The following ADAM12 variants were observed in gnomAD, a reference collection of about 807,000 sequenced individuals.
ADAM12 encodes ADAM metallopeptidase domain 12.
Under a neutral mutation model 106.4 loss-of-function variants are expected in ADAM12, and 70 were observed. The observed-to-expected ratio is 0.66, with a 90% CI of 0.54 to 0.80. The LOEUF (loss-of-function observed/expected upper bound fraction) is 0.80, where lower values mean the gene tolerates loss of function less well. ADAM12 is among the 30% of genes least tolerant of loss of function. ADAM12 has a pLI of 0.00. For missense variants in ADAM12, 1,010 were observed against 1,171.9 expected (o/e 0.86, Z 2.02); for synonymous variants, 420 against 433.5 (o/e 0.97, Z 0.39).
chr10:126,376,623 T>C (rs545643239), intron 1 of ADAM12, among the ~76,000 whole-genome samples: 19 of 152,138 alleles, frequency 1.2e-4, no homozygotes, highest in Non-Finnish European at 2.6e-4. Flanking sequence ...TTGAATAGCA[T>C]TAAAGGGAAC....
At chr10:126,237,331 T>TTATTC (rs149796367) in intron 3 of ADAM12, among the ~76,000 whole-genome samples, 1,845 of 152,214 alleles carry the variant, frequency 0.012, 15 homozygotes, top group East Asian at 0.025. Flanking sequence ...AGGACTTCTA[T>TTATTC]TATTCTATTC....
intron 1 of ADAM12, among the ~76,000 whole-genome samples, chr10:126,352,032 C>A (rs1855379786): frequency 6.6e-6 from 1 of 152,188 alleles, no homozygotes; most frequent in South Asian, 2.1e-4. Context: ...CAGCACTCAA[C>A]AGCACCCCTC....
rs372115669 is a variant in ADAM12 at position 126,315,960 on chromosome 10, A to G, written c.186+14452T>C. 3.3e-5 allele frequency among the ~76,000 whole-genome samples: 5 copies of G among 152,350 alleles called. No individual in the cohort carries two copies. The East Asian group carries it at 5.8e-4, about 18-fold the overall frequency. ...ATGAGATTTGCCTGTGTCAAGGAAC[A>G]CTAAAACCAGCAATAACTTTTGGCA... On this transcript the variant is annotated intron_variant, in intron 2 of 22. Transcript: ENST00000448723.
intron 11 of ADAM12, among the ~76,000 whole-genome samples, chr10:126,080,904 T>C (rs1273619971): frequency 1.3e-5 from 2 of 152,232 alleles, no homozygotes; most frequent in Non-Finnish European, 2.9e-5. Context: ...GGTTCTTTTC[T>C]TGTAGGAGCC....
chr10:126,178,820 G>A (rs1343870751), intron 3 of ADAM12, among the ~76,000 whole-genome samples: 1 of 152,142 alleles, frequency 6.6e-6, no homozygotes, highest in Non-Finnish European at 1.5e-5. Context: ...GCCGAGGTGG[G>A]TGGTTCACCT....
At chr10:126,233,467 G>T (rs569519527) in intron 3 of ADAM12, among the ~76,000 whole-genome samples, 2 of 152,164 alleles carry the variant, frequency 1.3e-5, no homozygotes, top group Non-Finnish European at 2.9e-5. Flanking sequence ...CAGGAGTGGA[G>T]AAAGAGAGAA....
intron 3 of ADAM12, among the ~76,000 whole-genome samples, chr10:126,276,424 T>C (rs6597758): frequency 0.16 from 25,007 of 152,246 alleles, 2,343 homozygotes; most frequent in African/African-American, 0.25. Flanking sequence ...CTAACAGCAT[T>C]ACATGCTAGT....
At chr10:126,068,284 G>A (rs1397010739) in intron 12 of ADAM12, among the ~76,000 whole-genome samples, 1 of 152,088 alleles carries the variant, frequency 6.6e-6, no homozygotes, top group Non-Finnish European at 1.5e-5. Context: ...GGTCTAAATG[G>A]CTCTATGGAT....
intron 1 of ADAM12, among the ~76,000 whole-genome samples, chr10:126,358,429 T>G (rs2133898633): frequency 6.6e-6 from 1 of 152,280 alleles, no homozygotes; most frequent in African/African-American, 2.4e-5. Flanking sequence ...GAGAAAGCAT[T>G]TGACAGAATT....
At chr10:126,232,641 A>C (rs1286892253) in intron 3 of ADAM12, among the ~76,000 whole-genome samples, 1 of 152,130 alleles carries the variant, frequency 6.6e-6, no homozygotes, top group East Asian at 1.9e-4. Flanking sequence ...TCATCTTCTC[A>C]GGCCAGCATC....
chr10:126,256,389 G>A (rs1044853301), intron 3 of ADAM12, among the ~76,000 whole-genome samples: 1 of 152,136 alleles, frequency 6.6e-6, no homozygotes, highest in Admixed American at 6.5e-5. Flanking sequence ...GGGATCTTGG[G>A]CAAGTGTCTA....
At chr10:126,158,765 T>C in intron 3 of ADAM12, among the ~76,000 whole-genome samples, 1 of 59,730 alleles carries the variant, frequency 1.7e-5, no homozygotes, top group Non-Finnish European at 3.3e-5. Context: ...AGAGCACGGG[T>C]GGGAGGATGA....
At chr10:126,119,787 C>T (rs1202623843) in intron 5 of ADAM12, among the ~76,000 whole-genome samples, 2 of 152,218 alleles carry the variant, frequency 1.3e-5, no homozygotes, top group African/African-American at 4.8e-5. Context: ...ATCCCACTGC[C>T]TGGAAATGAG....
chr10:126,254,131 G>C lies in ADAM12; in HGVS notation c.260+24784C>G, dbSNP rs1958841527. 2.6e-5 allele frequency among the ~76,000 whole-genome samples: 4 copies of C among 152,264 alleles called. No individual in the cohort carries two copies. In the South Asian group the frequency reaches 8.3e-4, roughly 32 times the overall value. On this transcript the variant is annotated intron_variant, in intron 3 of 22. Transcript: ENST00000448723. ...CTCATCCCTTCCTTTCCCTTGGGAG[G>C]CTCCGGAGGTGTGTTCAGCTCTCAG...
chr10:126,055,820 C>T (rs1954618255), intron 14 of ADAM12, among the ~76,000 whole-genome samples: 1 of 152,250 alleles, frequency 6.6e-6, no homozygotes, highest in African/African-American at 2.4e-5. Context: ...AGGACGACAG[C>T]TGCCTCATGC....
At chr10:126,295,912 C>CAT (rs1259504094) in intron 2 of ADAM12, among the ~76,000 whole-genome samples, 1 of 148,290 alleles carries the variant, frequency 6.7e-6, no homozygotes, top group Non-Finnish European at 1.5e-5. Context: ...CACACACAAA[C>CAT]ACACACACAC....
intron 3 of ADAM12, among the ~76,000 whole-genome samples, chr10:126,240,923 C>T (rs929705835): frequency 3.9e-5 from 6 of 152,256 alleles, no homozygotes; most frequent in Middle Eastern, 3.2e-3. Flanking sequence ...CTGTAGCTTG[C>T]TATGGCATAG....
rs149706722 is a variant in ADAM12 at position 126,075,943 on chromosome 10, C to T, written c.1146-4289G>A. Among the ~76,000 whole-genome samples, 61 of 152,272 alleles carry T rather than the reference C, an allele frequency of 4.0e-4. No individual in the cohort carries two copies. The East Asian group carries it at 5.6e-3, about 14-fold the overall frequency. On this transcript the variant is annotated intron_variant, in intron 11 of 22. Coordinates refer to ENST00000448723, the MANE Select transcript of ADAM12 (RefSeq NM_001288973.2). Reference sequence around the variant, plus strand: ...TTTTATTTATTTTAAATAATTTCAACTTTTATTAGCAATGAAGGGGTACAT... The same window carrying T: ...TTTTATTTATTTTAAATAATTTCAATTTTTATTAGCAATGAAGGGGTACAT...
At chr10:126,258,773 T>C (rs1958943098) in intron 3 of ADAM12, among the ~76,000 whole-genome samples, 1 of 151,776 alleles carries the variant, frequency 6.6e-6, no homozygotes, top group African/African-American at 2.4e-5. Context: ...GTGACAGTAC[T>C]TCTAGCCTGT....
Sources: gnomAD v4.1 joint callset for allele counts (sites outside exome capture counted in the v4.1 genomes callset) on GRCh38, gnomAD v4.1.1 for gene constraint, MANE v1.5 for transcripts, NCBI Gene and HGNC (gene_info 2026-07-23, HGNC 2026-07-21) for gene names.